SPON1: variants seen among roughly 807,000 people sequenced by gnomAD.
SPON1 encodes the protein spondin 1.
In SPON1, 52 loss-of-function variants were observed where a neutral mutation model predicts 111.7. That is an observed-to-expected ratio of 0.47 (90% CI 0.37 to 0.59). The LOEUF (loss-of-function observed/expected upper bound fraction) is 0.59, where lower values mean the gene tolerates loss of function less well. SPON1 is among the 20% of genes least tolerant of loss of function. The pLI is 0.00. For synonymous variants in SPON1, 410 were observed against 395.8 expected (o/e 1.04, Z -0.43); for missense variants, 957 against 1,068.5 (o/e 0.90, Z 1.46).
intron 5 of SPON1, among the ~76,000 whole-genome samples, chr11:14,130,237 C>T (rs1185779682): frequency 1.3e-5 from 2 of 152,200 alleles, no homozygotes; most frequent in Non-Finnish European, 2.9e-5. Context: ...CTCCCTACAT[C>T]CCACTGTGAG....
At chr11:14,203,451 G>C (rs4757240) in intron 6 of SPON1, among the ~76,000 whole-genome samples, 1 of 151,886 alleles carries the variant, frequency 6.6e-6, no homozygotes, top group Non-Finnish European at 1.5e-5. Context: ...TCATATTTTA[G>C]CCTCTGAAAG....
At chr11:14,164,702 T>C (rs1256978471) in intron 6 of SPON1, among the ~76,000 whole-genome samples, 1 of 152,168 alleles carries the variant, frequency 6.6e-6, no homozygotes, top group African/African-American at 2.4e-5. Context: ...GAGTTGGCCA[T>C]GCAGGAGACC....
At chr11:14,095,738 G>A (rs562383760) in intron 5 of SPON1, among the ~76,000 whole-genome samples, 2 of 152,280 alleles carry the variant, frequency 1.3e-5, no homozygotes, top group South Asian at 2.1e-4. Flanking sequence ...ACCCACACGG[G>A]GGATGGAAGT....
intron 6 of SPON1, among the ~76,000 whole-genome samples, chr11:14,214,344 A>G (rs1446708648): frequency 1.3e-5 from 2 of 152,164 alleles, no homozygotes; most frequent in Admixed American, 1.3e-4. Context: ...GGCCCCAAGT[A>G]AGATGATGCT....
intron 7 of SPON1, among the ~76,000 whole-genome samples, chr11:14,246,901 TAACTA>T (rs1481272483): frequency 6.6e-6 from 1 of 152,116 alleles, no homozygotes; most frequent in Non-Finnish European, 1.5e-5. Flanking sequence ...CAGTAGGAGT[TAACTA>T]AGCAAAGAAG....
chr11:14,159,781 C>A (rs781938870), intron 6 of SPON1, among the ~76,000 whole-genome samples: 1 of 151,794 alleles, frequency 6.6e-6, no homozygotes, highest in Non-Finnish European at 1.5e-5. Context: ...ATAAGTCAGG[C>A]ACAGAAAGAC....
intron 2 of SPON1, among the ~76,000 whole-genome samples, chr11:14,040,970 T>C (rs1039395093): frequency 6.6e-6 from 1 of 152,274 alleles, no homozygotes; most frequent in Non-Finnish European, 1.5e-5. Context: ...TGTAGCATCA[T>C]AGGAAACTTT....
intron 6 of SPON1, among the ~76,000 whole-genome samples, chr11:14,151,218 AG>A (rs1248191677): frequency 6.6e-6 from 1 of 152,178 alleles, no homozygotes; most frequent in Non-Finnish European, 1.5e-5. Flanking sequence ...GCTCTTTCAA[AG>A]GTTAGCCTTT....
At chr11:14,229,951 C>CGTGTGTGTGTGTGTGTGT (rs55709324) in intron 6 of SPON1, among the ~76,000 whole-genome samples, 9 of 144,970 alleles carry the variant, frequency 6.2e-5, no homozygotes, top group African/African-American at 2.1e-4. Context: ...TCTGTGTGTC[C>CGTGTGTGTGTGTGTGTGT]GTGTGTGTGT....
intron 10 of SPON1, among the ~76,000 whole-genome samples, chr11:14,256,910 A>G (rs1272540832): frequency 2.0e-5 from 3 of 152,338 alleles, no homozygotes; most frequent in South Asian, 2.1e-4. Flanking sequence ...TATATACTCA[A>G]CAACATCAGG....
intron 2 of SPON1, among the ~76,000 whole-genome samples, chr11:14,033,241 C>T (rs1554916260): frequency 1.3e-5 from 2 of 152,216 alleles, no homozygotes. Context: ...GACCTGGCCA[C>T]TAGTCCTGAC....
At chr11:14,128,019 G>A (rs1233483020) in intron 5 of SPON1, among the ~76,000 whole-genome samples, 1 of 152,140 alleles carries the variant, frequency 6.6e-6, no homozygotes, top group Admixed American at 6.5e-5. Flanking sequence ...CTCTCACCAG[G>A]TCCCTCCCTC....
At chr11:13,998,414 T>C (rs184374493) in intron 2 of SPON1, among the ~76,000 whole-genome samples, 21 of 152,354 alleles carry the variant, frequency 1.4e-4, no homozygotes, top group African/African-American at 5.1e-4. Flanking sequence ...GCTTCACAGA[T>C]CCACCAGGTC....
At chr11:14,177,039 G>GCTGT (rs1554933166) in intron 6 of SPON1, among the ~76,000 whole-genome samples, 1 of 151,958 alleles carries the variant, frequency 6.6e-6, no homozygotes, top group African/African-American at 2.4e-5. Context: ...GTTTTTTGTT[G>GCTGT]TTGTTTGTTT....
At chr11:14,195,819 A>G (rs1336630337) in intron 6 of SPON1, among the ~76,000 whole-genome samples, 3 of 152,176 alleles carry the variant, frequency 2.0e-5, no homozygotes, top group Admixed American at 1.3e-4. Flanking sequence ...TCACAGTTTC[A>G]TAGCAACATT....
At chr11:14,231,972 C>CATGT (rs1554938803) in intron 6 of SPON1, among the ~76,000 whole-genome samples, 4 of 149,518 alleles carry the variant, frequency 2.7e-5, no homozygotes, top group African/African-American at 7.4e-5. Flanking sequence ...CCTCCTACGC[C>CATGT]GTGTGTGTGT....
chr11:13,999,102 C>A (rs2133791576), intron 2 of SPON1, among the ~76,000 whole-genome samples: 1 of 152,122 alleles, frequency 6.6e-6, no homozygotes, highest in East Asian at 1.9e-4. Flanking sequence ...CAGGTAAAAT[C>A]TAAAGAGTAA....
rs782815190 is a variant in SPON1, at chr11:14,080,029, G to C, written c.676+8G>C. On this transcript the variant is annotated splice_region_variant and intron_variant, in intron 5 of 15. Transcript: ENST00000576479. ...ACCCAAAGGATTACCCTCGTGAGTA[G>C]AGTGGCTACTCTGTGGTTTGGGGAA... 1.2e-6 allele frequency: 2 copies of C among 1,613,876 alleles called. No homozygotes were observed. Among genetic ancestry groups the C allele is most frequent in the Admixed American group, 3.3e-5 (2 of 60,018 alleles).
chr11:14,054,556 GTTTTC>G (rs782806919), intron 3 of SPON1, among the ~76,000 whole-genome samples: 2 of 144,202 alleles, frequency 1.4e-5, no homozygotes, highest in African/African-American at 4.9e-5. Flanking sequence ...CCAAAGTCTA[GTTTTC>G]TTTTCTTTTT....
Sources: gnomAD v4.1 joint callset for allele counts (sites outside exome capture counted in the v4.1 genomes callset) on GRCh38, gnomAD v4.1.1 for gene constraint, MANE v1.5 for transcripts, NCBI Gene and HGNC (gene_info 2026-07-23, HGNC 2026-07-21) for gene names.